FBXL4: variants seen among roughly 807,000 people sequenced by gnomAD.
FBXL4 encodes F-box and leucine rich repeat protein 4.
FBXL4 carries 40 observed loss-of-function variants against 58.9 expected under a neutral mutation model. The observed-to-expected ratio is 0.68, with a 90% CI of 0.53 to 0.88. The LOEUF is 0.88. Ranked by LOEUF, FBXL4 falls within the 40% of genes least tolerant of loss-of-function variation. The pLI is 0.00. For synonymous variants in FBXL4, 263 were observed against 265.5 expected, an observed-to-expected ratio of 0.99 and a Z score of 0.09; for missense variants, 676 against 734.4, an observed-to-expected ratio of 0.92 and a Z score of 0.92.
At chr6:98,929,451 A>G (rs1451819129) in intron 2 of FBXL4, among the ~76,000 whole-genome samples, 1 of 151,998 alleles carries the variant, frequency 6.6e-6, no homozygotes. Flanking sequence ...CATGACTGTA[A>G]TCCCAGCTAC....
At chr6:98,916,017 G>A (rs570006057) in intron 5 of FBXL4, among the ~76,000 whole-genome samples, 2 of 152,320 alleles carry the variant, frequency 1.3e-5, no homozygotes, top group African/African-American at 4.8e-5. Context: ...GATATGAACA[G>A]ACACTTCTCA....
chr6:98,931,791 A>T (rs955377484), intron 2 of FBXL4, among the ~76,000 whole-genome samples: 1 of 152,222 alleles, frequency 6.6e-6, no homozygotes, highest in African/African-American at 2.4e-5. Flanking sequence ...AAGAAAGGAT[A>T]GCTCTCTCTA....
intron 7 of FBXL4, among the ~76,000 whole-genome samples, chr6:98,897,896 C>T (rs1489415440): frequency 1.3e-5 from 2 of 152,088 alleles, no homozygotes; most frequent in African/African-American, 4.8e-5. Flanking sequence ...TATTCATTTA[C>T]TTAACAAATA....
At chr6:98,906,776 C>T (rs1433281394) in intron 5 of FBXL4, among the ~76,000 whole-genome samples, 1 of 152,162 alleles carries the variant, frequency 6.6e-6, no homozygotes, top group African/African-American at 2.4e-5. Context: ...GACTAATTTA[C>T]ACTCCCACCA....
intron 6 of FBXL4, among the ~76,000 whole-genome samples, chr6:98,903,687 C>T (rs1562229545): frequency 6.6e-6 from 1 of 152,104 alleles, no homozygotes; most frequent in Non-Finnish European, 1.5e-5. Context: ...CCAGAAGCTG[C>T]ATAAAGTTTT....
At chr6:98,908,300 C>T (rs1381715470) in intron 5 of FBXL4, among the ~76,000 whole-genome samples, 1 of 152,146 alleles carries the variant, frequency 6.6e-6, no homozygotes, top group East Asian at 1.9e-4. Context: ...ATACTATATA[C>T]ACCATTCAGC....
rs1772819301 is a variant in FBXL4 at position 98,927,069 on chromosome 6, A to C, written c.-72-9T>G. The C allele has an allele frequency of 7.2e-7, 1 of 1,390,512 alleles. No individual in the cohort carries two copies. Among genetic ancestry groups the C allele is most frequent in the Non-Finnish European group, 9.8e-7 (1 of 1,016,556 alleles). 86.1% of individuals were successfully genotyped at this position (1,390,512 alleles called of 1,614,324 possible). A position where few individuals can be genotyped will look rare whatever the true frequency, so the allele number is the denominator to read the frequency against. Reference sequence around the variant, plus strand: ...ACTCTTTGAAGGATGTTCTAAAAAAATGAATGGCTTGGTGAAGTAAAATAA... The same window carrying C: ...ACTCTTTGAAGGATGTTCTAAAAAACTGAATGGCTTGGTGAAGTAAAATAA... On this transcript the variant is annotated splice_polypyrimidine_tract_variant and intron_variant, in intron 3 of 9. Coordinates refer to ENST00000369244, the MANE Select transcript of FBXL4 (RefSeq NM_001278716.2).
At chr6:98,880,455 G>C in intron 8 of FBXL4, 98 bp downstream of exon 8, 1 of 893,572 alleles carries the variant, frequency 1.1e-6, no homozygotes, top group African/African-American at 1.7e-5. Context: ...GAAAAACTGT[G>C]GGTGTGTGTG....
At chr6:98,936,882 T>C (rs1002753544) in intron 1 of FBXL4, among the ~76,000 whole-genome samples, 4 of 152,234 alleles carry the variant, frequency 2.6e-5, no homozygotes, top group African/African-American at 9.6e-5. Flanking sequence ...TTGTTCAGTC[T>C]ATCTTCCAGA....
chr6:98,929,346 T>G (rs1324897691), intron 2 of FBXL4, among the ~76,000 whole-genome samples: 1 of 151,604 alleles, frequency 6.6e-6, no homozygotes, highest in Non-Finnish European at 1.5e-5. Flanking sequence ...CTGAGGCAGG[T>G]GGATCACCTG....
intron 7 of FBXL4, among the ~76,000 whole-genome samples, chr6:98,884,376 T>A (rs1486327292): frequency 3.3e-5 from 5 of 152,158 alleles, no homozygotes; most frequent in Non-Finnish European, 7.4e-5. Flanking sequence ...AGACAGAAAC[T>A]TAAATAACTT....
At chr6:98,923,596 C>G (rs553995833) in intron 4 of FBXL4, among the ~76,000 whole-genome samples, 37 of 152,270 alleles carry the variant, frequency 2.4e-4, no homozygotes, top group African/African-American at 8.9e-4. Context: ...GTCACTTCCC[C>G]AGGGAAGCCT....
chr6:98,917,817 C>A (rs1772428511), intron 4 of FBXL4, 98 bp from the exon 5 acceptor site: 1 of 792,736 alleles, frequency 1.3e-6, no homozygotes, highest in Non-Finnish European at 1.9e-6. Flanking sequence ...CAGTGTGAAA[C>A]AAAGTCATCA....
At chr6:98,907,453 G>A (rs1412686329) in intron 5 of FBXL4, among the ~76,000 whole-genome samples, 1 of 152,162 alleles carries the variant, frequency 6.6e-6, no homozygotes, top group African/African-American at 2.4e-5. Flanking sequence ...AGTGATGATG[G>A]AGTAGCAAAC....
intron 6 of FBXL4, among the ~76,000 whole-genome samples, chr6:98,900,372 C>T (rs1771561454): frequency 6.6e-6 from 1 of 152,164 alleles, no homozygotes; most frequent in Admixed American, 6.6e-5. Context: ...TCAATTTATG[C>T]CACATCTTTA....
intron 7 of FBXL4, among the ~76,000 whole-genome samples, chr6:98,886,479 A>T (rs1771043323): frequency 6.6e-6 from 1 of 152,130 alleles, no homozygotes; most frequent in Non-Finnish European, 1.5e-5. Flanking sequence ...TATTTGCTAG[A>T]TTTCCAATCA....
intron 9 of FBXL4, among the ~76,000 whole-genome samples, chr6:98,874,820 A>G (rs1001669587): frequency 5.3e-5 from 8 of 152,220 alleles, no homozygotes; most frequent in Admixed American, 2.0e-4. Context: ...CAAAGTATCA[A>G]TTGTGTGGAC....
intron 8 of FBXL4, among the ~76,000 whole-genome samples, chr6:98,877,652 C>A (rs1404717179): frequency 1.3e-5 from 2 of 152,022 alleles, no homozygotes; most frequent in African/African-American, 4.8e-5. Context: ...TTTTCTTATT[C>A]ATTATCTAAT....
chr6:98,886,842 G>C (rs1363484075), intron 7 of FBXL4, among the ~76,000 whole-genome samples: 2 of 152,138 alleles, frequency 1.3e-5, no homozygotes, highest in African/African-American at 4.8e-5. Flanking sequence ...CAAACTCCTG[G>C]GTGGGGTGGC....
Sources: gnomAD v4.1 joint callset for allele counts (sites outside exome capture counted in the v4.1 genomes callset) on GRCh38, gnomAD v4.1.1 for gene constraint, MANE v1.5 for transcripts, NCBI Gene and HGNC (gene_info 2026-07-23, HGNC 2026-07-21) for gene names.